The following ARNT2 variants were observed in gnomAD, a reference collection of about 807,000 sequenced individuals.
ARNT2 encodes ARNT protein 2.
A neutral mutation model predicts 91.7 loss-of-function variants in ARNT2; 36 were observed. That is an observed-to-expected ratio of 0.39 (90% CI 0.30 to 0.52). ARNT2 has a LOEUF of 0.52. Ranked by LOEUF, ARNT2 falls within the 20% of genes least tolerant of loss-of-function variation. The pLI is 0.72. For missense variants in ARNT2, 775 were observed against 939.3 expected, an observed-to-expected ratio of 0.83 and a Z score of 2.29; for synonymous variants, 365 against 347.1, an observed-to-expected ratio of 1.05 and a Z score of -0.57.
chr15:80,416,039 A>G (rs1895780398), intron 1 of ARNT2, among the ~76,000 whole-genome samples: 1 of 152,174 alleles, frequency 6.6e-6, no homozygotes, highest in Admixed American at 6.5e-5. Context: ...AAGGTCTGGC[A>G]CACACTTGGT....
intron 5 of ARNT2, among the ~76,000 whole-genome samples, chr15:80,495,978 G>A (rs1322838337): frequency 6.6e-6 from 1 of 152,224 alleles, no homozygotes; most frequent in African/African-American, 2.4e-5. Flanking sequence ...TTTGCATTTT[G>A]TGCAGACATC....
intron 8 of ARNT2, among the ~76,000 whole-genome samples, chr15:80,522,530 C>T (rs1405994303): frequency 2.0e-5 from 3 of 152,160 alleles, no homozygotes; most frequent in African/African-American, 7.2e-5. Flanking sequence ...TAGCCTACTA[C>T]ACACCTAGGC....
intron 8 of ARNT2, among the ~76,000 whole-genome samples, chr15:80,534,318 T>G (rs1022230511): frequency 6.9e-6 from 1 of 144,470 alleles, no homozygotes; most frequent in African/African-American, 2.7e-5. Flanking sequence ...GCTTACCTTC[T>G]TTTTTTTTTG....
At chr15:80,544,393 G>A (rs1470736633) in intron 8 of ARNT2, among the ~76,000 whole-genome samples, 2 of 152,068 alleles carry the variant, frequency 1.3e-5, no homozygotes, top group Admixed American at 1.3e-4. Context: ...CCATTTCTCA[G>A]GGATTGCTCT....
intron 2 of ARNT2, among the ~76,000 whole-genome samples, chr15:80,455,586 A>G (rs1250553528): frequency 6.6e-6 from 1 of 152,098 alleles, no homozygotes; most frequent in African/African-American, 2.4e-5. Flanking sequence ...CTTTGCAAAA[A>G]CAAAAGTGAC....
At chr15:80,414,767 CTTTTTTT>C (rs373485429) in intron 1 of ARNT2, among the ~76,000 whole-genome samples, 1 of 105,312 alleles carries the variant, frequency 9.5e-6, no homozygotes, top group East Asian at 2.3e-4. Context: ...TTCTCTCTCT[CTTTTTTT>C]TTTTTTTGAA....
intron 12 of ARNT2, among the ~76,000 whole-genome samples, chr15:80,570,998 C>T (rs1050727276): frequency 6.6e-6 from 1 of 152,206 alleles, no homozygotes. Flanking sequence ...GCACAGACGG[C>T]ATGGCCAGAG....
At chr15:80,426,641 A>G (rs894082457) in intron 1 of ARNT2, among the ~76,000 whole-genome samples, 1 of 152,188 alleles carries the variant, frequency 6.6e-6, no homozygotes, top group East Asian at 1.9e-4. Flanking sequence ...AGGAGATTTC[A>G]CTGCTGTTGA....
chr15:80,489,911 C>T (rs1372643942), intron 5 of ARNT2, among the ~76,000 whole-genome samples: 2 of 152,184 alleles, frequency 1.3e-5, no homozygotes, highest in African/African-American at 4.8e-5. Flanking sequence ...CAGGGATCCT[C>T]CCTGAGCCTC....
intron 4 of ARNT2, 137 bp downstream of exon 4, chr15:80,470,568 A>G: frequency 9.8e-7 from 1 of 1,016,716 alleles, no homozygotes; most frequent in Non-Finnish European, 1.4e-6. Flanking sequence ...ATTTTTCTCC[A>G]AGAAGCTGTC....
Position 80,404,491 on chromosome 15 carries a change from C to T in ARNT2, c.-25C>T. On this transcript the variant is annotated 5_prime_UTR_variant, in exon 1 of 19. Transcript: ENST00000303329. The surrounding 1 kb of genome is among the most constrained non-coding windows in gnomAD (Gnocchi z 5.5). ...CCGCCCCTCCCGCGCCCCTGCCAAG[C>T]GGGCGCCTATCCTCTCCGAGCAAGA... 1 of 1,232,120 alleles carries T rather than the reference C, an allele frequency of 8.1e-7. No individual in the cohort carries two copies. Among genetic ancestry groups the T allele is most frequent in the Non-Finnish European group, 1.0e-6 (1 of 967,992 alleles). 76.3% of individuals were successfully genotyped at this position (1,232,120 alleles called of 1,614,324 possible).
intron 8 of ARNT2, among the ~76,000 whole-genome samples, chr15:80,542,307 C>T (rs2141450115): frequency 6.6e-6 from 1 of 152,242 alleles, no homozygotes; most frequent in South Asian, 2.1e-4. Context: ...AGATGAACTC[C>T]CTTATGTGCT....
rs528067229 is a variant in ARNT2 at position 80,541,390 on chromosome 15, C to T, written c.878-9809C>T. Among the ~76,000 whole-genome samples, 6 of 152,284 alleles carry T rather than the reference C, an allele frequency of 3.9e-5. No individual in the cohort carries two copies. In the East Asian group the frequency reaches 1.2e-3, roughly 29 times the overall value. ...TTCCTTATAGATTCTGGGTCTTAGA[C>T]CTTTTTTAGTTGCATGGTTTGCAAA... On this transcript the variant is annotated intron_variant, in intron 8 of 18. Coordinates refer to ENST00000303329, the MANE Select transcript of ARNT2 (RefSeq NM_014862.4).
rs190997210 is a variant in ARNT2 at position 80,470,453 on chromosome 15, C to T, written c.408+22C>T. On this transcript the variant is annotated intron_variant, in intron 4 of 18. Coordinates refer to ENST00000303329, the MANE Select transcript of ARNT2 (RefSeq NM_014862.4). ...GCAGGTACCCTGGTCATCACATCAC[C>T]ATTGGAAAGCGGGGGGAATCCCAGC... The T allele has an allele frequency of 9.2e-4, 1,476 of 1,608,266 alleles. 21 individuals are homozygous for T. In the African/African-American group the frequency reaches 0.018, roughly 19 times the overall value.
Position 80,540,960 on chromosome 15 carries a change from A to G in ARNT2, c.878-10239A>G, listed in dbSNP as rs553048341. Among the ~76,000 whole-genome samples, 3 of 152,226 alleles carry G rather than the reference A, an allele frequency of 2.0e-5. No individual in the cohort carries two copies. The South Asian group carries it at 6.2e-4, about 32-fold the overall frequency. On this transcript the variant is annotated intron_variant, in intron 8 of 18. Transcript: ENST00000303329. The stretch of plus-strand genomic sequence containing the variant: ...GTGAATAATGCTGTGATGAGGGCAC[A>G]TGTCTTTTTGGTAGAACAATTTACA...
At chr15:80,436,586 C>G (rs1896090392) in intron 1 of ARNT2, among the ~76,000 whole-genome samples, 1 of 152,200 alleles carries the variant, frequency 6.6e-6, no homozygotes. Context: ...GATTAACCAT[C>G]TGGTATCCTG....
At chr15:80,479,679 AG>A (rs1038447883) in intron 5 of ARNT2, among the ~76,000 whole-genome samples, 2 of 152,086 alleles carry the variant, frequency 1.3e-5, no homozygotes, top group Non-Finnish European at 2.9e-5. Context: ...AGATTGGAGG[AG>A]GGGGACTGGT....
intron 8 of ARNT2, among the ~76,000 whole-genome samples, chr15:80,528,905 A>G (rs1310098600): frequency 6.6e-6 from 1 of 152,162 alleles, no homozygotes; most frequent in East Asian, 1.9e-4. Context: ...ACTAAGACAC[A>G]AATCTTTTTC....
chr15:80,532,921 G>A (rs192593105), intron 8 of ARNT2, among the ~76,000 whole-genome samples: 45 of 152,360 alleles, frequency 3.0e-4, no homozygotes, highest in African/African-American at 9.9e-4. Context: ...TGGAGATTGG[G>A]TAGACAGTGG....
Sources: gnomAD v4.1 joint callset for allele counts (sites outside exome capture counted in the v4.1 genomes callset) on GRCh38, gnomAD v4.1.1 for gene constraint, Gnocchi (gnomAD v3.1) non-coding constraint, MANE v1.5 for transcripts, NCBI Gene and HGNC (gene_info 2026-07-23, HGNC 2026-07-21) for gene names.